Variants in SYN3 observed in about 807,000 individuals in gnomAD.
The protein encoded by SYN3 is synapsin-3.
SYN3 carries 35 observed loss-of-function variants against 65.8 expected under a neutral mutation model. The ratio of observed to expected loss-of-function variants is 0.53; its 90% confidence interval spans 0.41 to 0.70. The LOEUF (loss-of-function observed/expected upper bound fraction) is 0.70, where lower values mean the gene tolerates loss of function less well. Among genes scored for constraint, SYN3 ranks in the 30% least tolerant of loss-of-function variants. The pLI, the probability that SYN3 is intolerant of heterozygous loss-of-function variation, is 0.00. For synonymous variants in SYN3, 270 were observed against 292.9 expected (o/e 0.92, Z 0.80); for missense variants, 680 against 749.0 (o/e 0.91, Z 1.08).
chr22:32,867,911 A>ACC (rs1254893431), intron 5 of SYN3, among the ~76,000 whole-genome samples: 1 of 152,238 alleles, frequency 6.6e-6, no homozygotes, highest in East Asian at 1.9e-4. Flanking sequence ...TCTTTCTTAC[A>ACC]GGTAACATTT....
intron 6 of SYN3, among the ~76,000 whole-genome samples, chr22:32,639,585 A>C: frequency 6.6e-6 from 1 of 152,108 alleles, no homozygotes; most frequent in East Asian, 1.9e-4. Flanking sequence ...GATGGAATGT[A>C]GTAGTGTGAT....
At chr22:32,606,467 G>A (rs1286697267) in intron 6 of SYN3, among the ~76,000 whole-genome samples, 1 of 152,222 alleles carries the variant, frequency 6.6e-6, no homozygotes, top group East Asian at 1.9e-4. Flanking sequence ...GCACAGACAA[G>A]ATGACCTTTG....
At chr22:32,999,689 A>G (rs1006864271) in intron 2 of SYN3, among the ~76,000 whole-genome samples, 1 of 56,456 alleles carries the variant, frequency 1.8e-5, no homozygotes, top group African/African-American at 5.3e-5. Context: ...TCTCTAAAAA[A>G]CAAAAACAAA....
At chr22:32,682,291 T>A (rs1234112466) in intron 6 of SYN3, among the ~76,000 whole-genome samples, 1 of 152,188 alleles carries the variant, frequency 6.6e-6, no homozygotes. Flanking sequence ...GCTCCAAATA[T>A]CAATCGTGTA....
At chr22:32,767,429 T>C (rs557042980) in intron 6 of SYN3, among the ~76,000 whole-genome samples, 12 of 152,158 alleles carry the variant, frequency 7.9e-5, no homozygotes, top group Non-Finnish European at 1.5e-4. Context: ...ATTTGCATGA[T>C]TTATCTTCCC....
intron 6 of SYN3, among the ~76,000 whole-genome samples, chr22:32,798,840 C>T (rs999426811): frequency 2.0e-5 from 3 of 152,030 alleles, no homozygotes; most frequent in Admixed American, 1.3e-4. Context: ...TACAGGCGCC[C>T]ACCACCACAC....
chr22:32,644,621 G>A (rs1289238583), intron 6 of SYN3, among the ~76,000 whole-genome samples: 1 of 152,220 alleles, frequency 6.6e-6, no homozygotes, highest in Non-Finnish European at 1.5e-5. Flanking sequence ...GAACTGCTGG[G>A]CAGGTTATTT....
chr22:32,944,336 C>G (rs898881477), intron 3 of SYN3, among the ~76,000 whole-genome samples: 21 of 152,190 alleles, frequency 1.4e-4, no homozygotes, highest in Non-Finnish European at 2.5e-4. Flanking sequence ...ACAACCTGCT[C>G]CTGAATGACA....
intron 7 of SYN3, among the ~76,000 whole-genome samples, chr22:32,586,125 T>TAC: frequency 6.7e-6 from 1 of 150,082 alleles, no homozygotes; most frequent in Non-Finnish European, 1.5e-5. Flanking sequence ...TATATATGTA[T>TAC]ATGTATGTAT....
Position 32,686,808 on chromosome 22 carries a change from T to C in SYN3, c.712-90072A>G, listed in dbSNP as rs1055035455. On this transcript the variant is annotated intron_variant, in intron 6 of 13. Coordinates refer to ENST00000358763, the MANE Select transcript of SYN3 (RefSeq NM_003490.4). ...GATGGTGTTTCACCATTGGCCAGGC[T>C]GGTCTTGAACTCCTGACCTCAGGTG... 2.4e-3 allele frequency among the ~76,000 whole-genome samples: 367 copies of C among 152,168 alleles called. 1 individual carries two copies. Among genetic ancestry groups the C allele is most frequent in the African/African-American group, 8.2e-3 (342 of 41,512 alleles).
intron 1 of SYN3, among the ~76,000 whole-genome samples, chr22:33,053,039 T>G (rs1371519838): frequency 6.6e-6 from 1 of 152,216 alleles, no homozygotes; most frequent in East Asian, 1.9e-4. Flanking sequence ...CTGAGCATTT[T>G]TCATGTATCC....
chr22:32,701,116 G>T (rs895238480), intron 6 of SYN3, among the ~76,000 whole-genome samples: 2 of 152,290 alleles, frequency 1.3e-5, no homozygotes, highest in Non-Finnish European at 2.9e-5. Flanking sequence ...TAGCCTTCTA[G>T]AATCCACTGT....
chr22:32,948,669 G>A (rs1046723894), intron 3 of SYN3, among the ~76,000 whole-genome samples: 1 of 151,984 alleles, frequency 6.6e-6, no homozygotes, highest in Non-Finnish European at 1.5e-5. Context: ...CCTGCGAGGC[G>A]GAGCTTGCAG....
chr22:32,781,004 C>CTTCT lies in SYN3; in HGVS notation c.711+83907_711+83910dup, dbSNP rs1413730792. On this transcript the variant is annotated intron_variant, in intron 6 of 13. Coordinates refer to ENST00000358763, the MANE Select transcript of SYN3 (RefSeq NM_003490.4). Reference sequence around the variant, plus strand: ...CTCCTTCCTTCCTCTCTCTCACCCCCTTCTTTCTTTCTTTCTCTCTCTCTT... The same window carrying CTTCT: ...CTCCTTCCTTCCTCTCTCTCACCCCCTTCTTTCTTTCTTTCTTTCTCTCTCTCTT... Among the ~76,000 whole-genome samples, 4 of 92,998 alleles carry CTTCT rather than the reference C, an allele frequency of 4.3e-5. No homozygotes were observed. In the South Asian group the frequency reaches 1.0e-3, roughly 24 times the overall value. 61.0% of individuals were successfully genotyped at this position (92,998 alleles called of 152,430 possible). A position where few individuals can be genotyped will look rare whatever the true frequency, so the allele number is the denominator to read the frequency against.
chr22:32,656,545 T>C (rs1169580260), intron 6 of SYN3, among the ~76,000 whole-genome samples: 1 of 152,136 alleles, frequency 6.6e-6, no homozygotes, highest in African/African-American at 2.4e-5. Context: ...TTTGAGGTGT[T>C]AGCAAAGCAG....
Position 32,820,269 on chromosome 22 carries a change from CGTGT to C in SYN3, c.711+44642_711+44645del, listed in dbSNP as rs374591413. On this transcript the variant is annotated intron_variant, in intron 6 of 13. Transcript: ENST00000358763. ...GTGTGTGTGTGTGTGTGTGCGTGCG[CGTGT>C]GTGTGTGTGTGTGTGGTGTGTGTGG... Among the ~76,000 whole-genome samples the C allele has an allele frequency of 1.5e-3, 224 of 144,984 alleles. 2 individuals are homozygous for C. The East Asian group carries it at 0.035, about 23-fold the overall frequency.
intron 4 of SYN3, among the ~76,000 whole-genome samples, chr22:32,916,047 T>C (rs2146607781): frequency 6.6e-6 from 1 of 152,330 alleles, no homozygotes; most frequent in African/African-American, 2.4e-5. Flanking sequence ...TCTGCCCCTC[T>C]TGTAATGTGC....
At chr22:32,540,488 T>TG (rs1158949789) in intron 8 of SYN3, among the ~76,000 whole-genome samples, 1 of 152,228 alleles carries the variant, frequency 6.6e-6, no homozygotes, top group Admixed American at 6.5e-5. Context: ...ATTGGCCCTC[T>TG]GGGGTCTCAT....
At chr22:32,523,811 TG>T (rs1447793595) in intron 12 of SYN3, among the ~76,000 whole-genome samples, 2 of 152,244 alleles carry the variant, frequency 1.3e-5, no homozygotes, top group Non-Finnish European at 2.9e-5. Flanking sequence ...TTAGGCCTCT[TG>T]CACCAGAAAG....
Sources: allele counts gnomAD v4.1 joint callset (sites outside exome capture counted in the v4.1 genomes callset), GRCh38; gene constraint gnomAD v4.1.1; transcripts MANE v1.5; gene names NCBI Gene and HGNC (gene_info 2026-07-23, HGNC 2026-07-21).